The following DAPK2 variants were observed in gnomAD, a reference collection of about 807,000 sequenced individuals.
The protein encoded by DAPK2 is death associated protein kinase 2.
In DAPK2, 35 loss-of-function variants were observed where a neutral mutation model predicts 44.1. The ratio of observed to expected loss-of-function variants is 0.79; its 90% confidence interval spans 0.61 to 1.05. The LOEUF is 1.05. Ranked by LOEUF, DAPK2 falls within the 50% of genes least tolerant of loss-of-function variation. DAPK2 has a pLI of 0.00. For synonymous variants in DAPK2, 174 were observed against 182.6 expected (o/e 0.95, Z 0.38); for missense variants, 453 against 483.2 (o/e 0.94, Z 0.59).
intron 2 of DAPK2, among the ~76,000 whole-genome samples, chr15:63,977,290 G>A (rs1452194863): frequency 6.6e-6 from 1 of 152,174 alleles, no homozygotes; most frequent in Non-Finnish European, 1.5e-5. Context: ...TCTCATGGGT[G>A]AGGCCGTCCT....
intron 2 of DAPK2, among the ~76,000 whole-genome samples, chr15:63,973,033 T>C (rs2078254832): frequency 6.6e-6 from 1 of 152,110 alleles, no homozygotes; most frequent in Non-Finnish European, 1.5e-5. Context: ...AAGAGGGGTG[T>C]CCCTCCCATC....
chr15:64,044,626 A>T (rs550850394), upstream of DAPK2, among the ~76,000 whole-genome samples: 2 of 152,242 alleles, frequency 1.3e-5, no homozygotes, highest in African/African-American at 4.8e-5. Flanking sequence ...CTCCTCCAAG[A>T]TGTCACCAGG....
At chr15:64,002,916 CTGTG>C (rs3056849) in intron 1 of DAPK2, among the ~76,000 whole-genome samples, 26,314 of 85,846 alleles carry the variant, frequency 0.31, 4,285 homozygotes, top group Middle Eastern at 0.38. Flanking sequence ...GACTGAGACA[CTGTG>C]TGTGTGTGTG....
At chr15:63,965,768 T>C (rs1001270708) in intron 3 of DAPK2, among the ~76,000 whole-genome samples, 25 of 152,368 alleles carry the variant, frequency 1.6e-4, no homozygotes, top group African/African-American at 5.8e-4. Context: ...CCCTGACTAC[T>C]GCCAGTGCAC....
intron 8 of DAPK2, chr15:63,922,431 C>G: frequency 8.9e-7 from 1 of 1,126,162 alleles, no homozygotes. Context: ...AATTCTCAAG[C>G]ATTTCCCCAG....
At chr15:63,920,304 G>A (rs2079036841) in intron 8 of DAPK2, 2 of 152,168 alleles carry the variant, frequency 1.3e-5, no homozygotes, top group Non-Finnish European at 2.9e-5. Flanking sequence ...TGGGACTCCT[G>A]TTCTCAGGGA....
At chr15:63,964,442 G>C (rs1474371110) in intron 3 of DAPK2, among the ~76,000 whole-genome samples, 1 of 151,954 alleles carries the variant, frequency 6.6e-6, no homozygotes, top group Non-Finnish European at 1.5e-5. Context: ...TATTATTTGG[G>C]TTTAACCTTC....
intron 2 of DAPK2, among the ~76,000 whole-genome samples, chr15:63,975,275 C>G (rs929223421): frequency 2.0e-5 from 3 of 152,104 alleles, no homozygotes; most frequent in Non-Finnish European, 2.9e-5. Flanking sequence ...CCAGATCCCA[C>G]CATAGACTTT....
chr15:64,036,575 T>C (rs2080219223), intron 1 of DAPK2, among the ~76,000 whole-genome samples: 2 of 151,746 alleles, frequency 1.3e-5, no homozygotes, highest in South Asian at 4.2e-4. Context: ...TTTTGAACTT[T>C]TGCAAATGGA....
In DAPK2 at chr15:63,916,883, A is replaced by G. The variant is rs1460158287; in HGVS notation, c.859-4686T>C. 6.6e-6 allele frequency: 1 copy of G among 152,148 alleles called. No homozygotes were observed. The highest frequency in any genetic ancestry group is 1.5e-5 in the Non-Finnish European group (1 of 68,044). The allele number at this position is 152,148 out of a possible 1,614,324, so 9.4% of individuals were successfully genotyped here. A position where few individuals can be genotyped will look rare whatever the true frequency, so the allele number is the denominator to read the frequency against. ...CTTTTGTACTGTTATAAAACCCAAG[A>G]GACTTGAGAGACGTAGCAACCAAAT... On this transcript the variant is annotated intron_variant, in intron 8 of 10. Transcript: ENST00000261891. This position sits in a 1 kb window ranked among gnomAD's most constrained non-coding sequence, Gnocchi z 4.7.
chr15:63,967,677 C>G (rs1037981880), intron 3 of DAPK2, among the ~76,000 whole-genome samples: 1 of 152,040 alleles, frequency 6.6e-6, no homozygotes, highest in Non-Finnish European at 1.5e-5. Context: ...GGCAACAGAG[C>G]GAGACTCTGT....
intron 1 of DAPK2, among the ~76,000 whole-genome samples, chr15:64,038,536 T>C (rs454353): frequency 0.98 from 148,719 of 152,318 alleles, 72,697 homozygotes; most frequent in East Asian, 1. Context: ...GAAAAGTCAT[T>C]CCCCTCTGGG....
In DAPK2 at chr15:64,020,128, A is replaced by G. The variant is rs1038814820; in HGVS notation, c.92+20042T>C. Among the ~76,000 whole-genome samples the G allele has an allele frequency of 1.3e-5, 2 of 152,192 alleles. No individual in the cohort carries two copies. Among genetic ancestry groups the G allele is most frequent in the African/African-American group, 4.8e-5 (2 of 41,448 alleles). ...CTGAGTAGACAGCCCATGGCCCAGTAAGAACACTTCACATAATCATGAAGT... is the reference window on the plus strand; with the variant it reads ...CTGAGTAGACAGCCCATGGCCCAGTGAGAACACTTCACATAATCATGAAGT... On this transcript the variant is annotated intron_variant, in intron 1 of 10. Transcript: ENST00000261891. This position sits in a 1 kb window ranked among gnomAD's most constrained non-coding sequence, Gnocchi z 4.5.
chr15:63,970,310 C>T (rs1426046078), intron 3 of DAPK2, among the ~76,000 whole-genome samples: 2 of 152,232 alleles, frequency 1.3e-5, no homozygotes, highest in Admixed American at 1.3e-4. Flanking sequence ...GCCTGTACTT[C>T]CCTGAATGCA....
rs184705858 is a variant in DAPK2 at position 63,908,733 on chromosome 15, A to C, written c.1033-133T>G. 9.7e-4 allele frequency: 632 copies of C among 652,336 alleles called. 8 individuals are homozygous for C. In the Admixed American group the frequency reaches 0.019, roughly 19 times the overall value. 40.4% of individuals were successfully genotyped at this position (652,336 alleles called of 1,614,324 possible). A position where few individuals can be genotyped will look rare whatever the true frequency, so the allele number is the denominator to read the frequency against. On this transcript the variant is annotated intron_variant, in intron 10 of 10. Coordinates refer to ENST00000261891, the Ensembl canonical transcript of DAPK2. The surrounding 1 kb of genome is among the most constrained non-coding windows in gnomAD (Gnocchi z 5.7). ...AGCCAGGGAGGTGGGTGGTGAAAGC[A>C]AGCCTGCTGATCCATCCAGGGGCTG...
chr15:63,942,854 T>C (rs1371334555), intron 3 of DAPK2, among the ~76,000 whole-genome samples: 1 of 152,078 alleles, frequency 6.6e-6, no homozygotes, highest in Non-Finnish European at 1.5e-5. Context: ...CCGAACACAG[T>C]GCTTCTTACT....
At chr15:63,967,677 C>A (rs1037981880) in intron 3 of DAPK2, among the ~76,000 whole-genome samples, 1 of 152,040 alleles carries the variant, frequency 6.6e-6, no homozygotes, top group Non-Finnish European at 1.5e-5. Flanking sequence ...GGCAACAGAG[C>A]GAGACTCTGT....
chr15:63,946,842 A>C (rs1047448983), intron 3 of DAPK2, among the ~76,000 whole-genome samples: 2 of 152,082 alleles, frequency 1.3e-5, no homozygotes, highest in Admixed American at 6.5e-5. Flanking sequence ...ACCAATCTTC[A>C]CCAGCCATGT....
chr15:63,919,334 C>T (rs183724214), intron 8 of DAPK2: 1 of 152,194 alleles, frequency 6.6e-6, no homozygotes, highest in Non-Finnish European at 1.5e-5. Flanking sequence ...ACTTAGAGTT[C>T]GGAGTCCAGC....
Sources: gnomAD v4.1 joint callset for allele counts (sites outside exome capture counted in the v4.1 genomes callset) on GRCh38, gnomAD v4.1.1 for gene constraint, Gnocchi (gnomAD v3.1) non-coding constraint, MANE v1.5 for transcripts, NCBI Gene and HGNC (gene_info 2026-07-23, HGNC 2026-07-21) for gene names.